Variants in PAPPA observed in about 807,000 individuals in gnomAD.
PAPPA encodes pappalysin 1.
A neutral mutation model predicts 164.0 loss-of-function variants in PAPPA; 60 were observed. The ratio of observed to expected loss-of-function variants is 0.37; its 90% CI spans 0.30 to 0.45. The LOEUF is 0.45. Among genes scored for constraint, PAPPA ranks in the 20% least tolerant of loss-of-function variants. The pLI is 1.00. For synonymous variants in PAPPA, 875 were observed against 814.1 expected (o/e 1.07, Z -1.27); for missense variants, 1,782 against 2,087.3 (o/e 0.85, Z 2.85).
At chr9:116,272,420 A>G (rs936256383) in intron 9 of PAPPA, among the ~76,000 whole-genome samples, 1 of 152,230 alleles carries the variant, frequency 6.6e-6, no homozygotes, top group Non-Finnish European at 1.5e-5. Flanking sequence ...AAAGAGGAAA[A>G]GATAGCATTG....
At chr9:116,201,117 G>C (rs1250487756) in intron 2 of PAPPA, among the ~76,000 whole-genome samples, 1 of 152,160 alleles carries the variant, frequency 6.6e-6, no homozygotes, top group Non-Finnish European at 1.5e-5. Context: ...AACTAAGCAG[G>C]AGGATCAAGT....
chr9:116,337,107 C>G (rs1455012347), intron 13 of PAPPA, among the ~76,000 whole-genome samples: 2 of 152,212 alleles, frequency 1.3e-5, no homozygotes, highest in Non-Finnish European at 2.9e-5. Context: ...AAGCCGTGCT[C>G]TGCCTACCAC....
chr9:116,225,686 CA>C (rs1844497754), intron 5 of PAPPA, among the ~76,000 whole-genome samples: 1 of 152,138 alleles, frequency 6.6e-6, no homozygotes. Context: ...AGTGTGCTTG[CA>C]AAATTTCCAC....
At chr9:116,286,476 G>T (rs1161114989) in intron 9 of PAPPA, 1 of 152,124 alleles carries the variant, frequency 6.6e-6, no homozygotes, top group African/African-American at 2.4e-5. Flanking sequence ...GCTTTAAGGG[G>T]CATTTAAGCC....
At chr9:116,235,032 T>A in intron 6 of PAPPA, 107 bp from the exon 7 acceptor site, 1 of 1,252,800 alleles carries the variant, frequency 8.0e-7, no homozygotes, top group Admixed American at 1.9e-5. Flanking sequence ...TTTTCCCCTC[T>A]GTCTAAGTTC....
chr9:116,220,465 C>A (rs1412066475), intron 5 of PAPPA, among the ~76,000 whole-genome samples: 1 of 148,840 alleles, frequency 6.7e-6, no homozygotes, highest in East Asian at 1.9e-4. Flanking sequence ...ATTGCCTGGG[C>A]AAAAACATTT....
intron 1 of PAPPA, among the ~76,000 whole-genome samples, chr9:116,157,209 C>A (rs936378399): frequency 1.3e-5 from 2 of 152,064 alleles, no homozygotes; most frequent in Non-Finnish European, 2.9e-5. Flanking sequence ...CCTTGCCGCT[C>A]CTGGTAGGCG....
At chr9:116,170,050 T>A (rs1466153575) in intron 1 of PAPPA, among the ~76,000 whole-genome samples, 1 of 152,180 alleles carries the variant, frequency 6.6e-6, no homozygotes, top group Non-Finnish European at 1.5e-5. Context: ...AAGTACTTGA[T>A]TTGTAAACCC....
chr9:116,342,674 CA>C (rs932379061), intron 13 of PAPPA, among the ~76,000 whole-genome samples: 1 of 151,082 alleles, frequency 6.6e-6, no homozygotes, highest in Non-Finnish European at 1.5e-5. Flanking sequence ...AAAACAACGA[CA>C]AAAAAAAAGT....
intron 3 of PAPPA, among the ~76,000 whole-genome samples, chr9:116,210,313 C>T (rs946018803): frequency 6.6e-6 from 1 of 152,192 alleles, no homozygotes; most frequent in South Asian, 2.1e-4. Context: ...AACACGGAGA[C>T]AGAGTCCTTC....
intron 10 of PAPPA, among the ~76,000 whole-genome samples, chr9:116,307,660 T>C (rs1587996730): frequency 6.6e-6 from 1 of 152,200 alleles, no homozygotes; most frequent in East Asian, 1.9e-4. Context: ...TAACAATTTA[T>C]ACATTAATTT....
chr9:116,254,578 C>T (rs184167875), intron 7 of PAPPA, among the ~76,000 whole-genome samples: 8 of 152,096 alleles, frequency 5.3e-5, no homozygotes, highest in South Asian at 4.2e-4. Flanking sequence ...GTCAGGAGAT[C>T]GAGACCATCC....
intron 5 of PAPPA, among the ~76,000 whole-genome samples, chr9:116,225,289 CT>C (rs1232127535): frequency 6.6e-6 from 1 of 152,188 alleles, no homozygotes; most frequent in Non-Finnish European, 1.5e-5. Context: ...CTGAGGAAGC[CT>C]TTCTCTCCAC....
At chr9:116,240,763 G>A (rs545594451) in intron 7 of PAPPA, among the ~76,000 whole-genome samples, 1 of 152,322 alleles carries the variant, frequency 6.6e-6, no homozygotes, top group East Asian at 1.9e-4. Context: ...CAAAGCTGGG[G>A]TCTGTAAGTA....
chr9:116,186,232 G>GTATCTATATC (rs1843967942), intron 1 of PAPPA, among the ~76,000 whole-genome samples: 1 of 150,590 alleles, frequency 6.6e-6, no homozygotes, highest in African/African-American at 2.4e-5. Context: ...GTGTGTGTGT[G>GTATCTATATC]TGTGTATCTA....
intron 7 of PAPPA, among the ~76,000 whole-genome samples, chr9:116,247,776 G>C (rs999837426): frequency 1.3e-5 from 2 of 152,236 alleles, no homozygotes; most frequent in East Asian, 3.9e-4. Flanking sequence ...GGTTTATGTT[G>C]TGTCTGTTAA....
In PAPPA at chr9:116,175,258, G is replaced by A. The variant is rs577566222; in HGVS notation, c.416-11896G>A. On this transcript the variant is annotated intron_variant, in intron 1 of 21. Coordinates refer to ENST00000328252, the MANE Select transcript of PAPPA (RefSeq NM_002581.5). ...GGCGCCCTCCAGTACCAAGAGGAGC[G>A]TTTGAAAACTGGATACACAATTTTG... Among the ~76,000 whole-genome samples the A allele has an allele frequency of 4.2e-4, 64 of 152,248 alleles. 1 individual carries two copies. In the South Asian group the frequency reaches 0.011, roughly 27 times the overall value.
intron 2 of PAPPA, among the ~76,000 whole-genome samples, chr9:116,195,621 TAC>T (rs1250566637): frequency 6.6e-6 from 1 of 152,168 alleles, no homozygotes; most frequent in Non-Finnish European, 1.5e-5. Flanking sequence ...GATGAAATAA[TAC>T]ACAGTCAACC....
chr9:116,163,225 T>C (rs2118978053), intron 1 of PAPPA, among the ~76,000 whole-genome samples: 1 of 152,258 alleles, frequency 6.6e-6, no homozygotes, highest in African/African-American at 2.4e-5. Flanking sequence ...ATATATCCCA[T>C]AATGTCAGGT....
Sources: allele counts gnomAD v4.1 joint callset (sites outside exome capture counted in the v4.1 genomes callset), GRCh38; gene constraint gnomAD v4.1.1; transcripts MANE v1.5; gene names NCBI Gene and HGNC (gene_info 2026-07-23, HGNC 2026-07-21).